The following PPP1R9A variants were observed in gnomAD, a reference collection of about 807,000 sequenced individuals.
The protein encoded by PPP1R9A is protein phosphatase 1 regulatory subunit 9A.
Under a neutral mutation model 141.9 loss-of-function variants are expected in PPP1R9A, and 59 were observed. The observed-to-expected ratio is 0.42, with a 90% confidence interval of 0.34 to 0.52. The LOEUF (loss-of-function observed/expected upper bound fraction) is 0.52. Ranked by LOEUF, PPP1R9A falls within the 20% of genes least tolerant of loss-of-function variation. The probability of loss-of-function intolerance (pLI) is 0.10; values close to 1 mark genes in which losing one functional copy is unlikely to be tolerated. For missense variants in PPP1R9A, 1,444 were observed against 1,611.9 expected (o/e 0.90, Z 1.78); for synonymous variants, 500 against 569.7 (o/e 0.88, Z 1.74).
intron 2 of PPP1R9A, among the ~76,000 whole-genome samples, chr7:94,997,539 G>A (rs917924373): frequency 2.0e-5 from 3 of 152,122 alleles, no homozygotes; most frequent in Non-Finnish European, 4.4e-5. Flanking sequence ...GTAACACTCT[G>A]CTCAGTGTTT....
chr7:95,066,418 C>T (rs1045636553), intron 2 of PPP1R9A, among the ~76,000 whole-genome samples: 6 of 151,778 alleles, frequency 4.0e-5, no homozygotes, highest in South Asian at 2.1e-4. Context: ...GAATTAAGTA[C>T]GTAGAGCCAA....
chr7:95,018,989 T>C (rs1805498595), intron 2 of PPP1R9A, among the ~76,000 whole-genome samples: 3 of 152,332 alleles, frequency 2.0e-5, no homozygotes, highest in African/African-American at 4.8e-5. Context: ...AATGGCACCA[T>C]ATTAACTGGA....
At chr7:95,191,221 G>A (rs1835449102) in intron 5 of PPP1R9A, among the ~76,000 whole-genome samples, 1 of 152,110 alleles carries the variant, frequency 6.6e-6, no homozygotes, top group African/African-American at 2.4e-5. Flanking sequence ...TTCTTGGCCT[G>A]ATAATAAATG....
chr7:95,099,041 C>T (rs1818413340), intron 2 of PPP1R9A, among the ~76,000 whole-genome samples: 1 of 152,202 alleles, frequency 6.6e-6, no homozygotes, highest in African/African-American at 2.4e-5. Flanking sequence ...TATTGGTCCT[C>T]TCCATCTGTT....
At chr7:95,163,338 C>T (rs1830707956) in intron 5 of PPP1R9A, among the ~76,000 whole-genome samples, 1 of 152,164 alleles carries the variant, frequency 6.6e-6, no homozygotes, top group South Asian at 2.1e-4. Flanking sequence ...CACATTCTCA[C>T]TTCCTCAGTC....
At chr7:95,073,624 G>GTTTGT (rs1814334667) in intron 2 of PPP1R9A, among the ~76,000 whole-genome samples, 1 of 105,558 alleles carries the variant, frequency 9.5e-6, no homozygotes, top group Non-Finnish European at 1.9e-5. Flanking sequence ...AAAGAAATAA[G>GTTTGT]TTTTTTTTTT....
At chr7:95,234,034 G>T (rs1328538073) in intron 8 of PPP1R9A, among the ~76,000 whole-genome samples, 2 of 152,050 alleles carry the variant, frequency 1.3e-5, no homozygotes, top group East Asian at 3.9e-4. Context: ...CATACCTTAA[G>T]GTAATAAAAG....
At chr7:95,081,924 A>C (rs1045141109) in intron 2 of PPP1R9A, among the ~76,000 whole-genome samples, 1 of 152,140 alleles carries the variant, frequency 6.6e-6, no homozygotes, top group Non-Finnish European at 1.5e-5. Context: ...GATAGCCTTG[A>C]AACCAACAGC....
intron 2 of PPP1R9A, among the ~76,000 whole-genome samples, chr7:95,046,733 A>C (rs1224078133): frequency 6.6e-6 from 1 of 152,138 alleles, no homozygotes; most frequent in Admixed American, 6.5e-5. Context: ...CTTCTTTTTC[A>C]TACCAGCTTT....
At chr7:95,084,756 A>C (rs1388004605) in intron 2 of PPP1R9A, among the ~76,000 whole-genome samples, 1 of 152,018 alleles carries the variant, frequency 6.6e-6, no homozygotes, top group African/African-American at 2.4e-5. Flanking sequence ...ACTTAGTTGT[A>C]ATCTATATAG....
intron 6 of PPP1R9A, among the ~76,000 whole-genome samples, chr7:95,203,059 A>G (rs2152876825): frequency 6.6e-6 from 1 of 152,202 alleles, no homozygotes; most frequent in South Asian, 2.1e-4. Context: ...CCAGAAACTG[A>G]AGCCCCTTCT....
At chr7:95,213,966 A>G (rs560829227) in intron 7 of PPP1R9A, among the ~76,000 whole-genome samples, 178 of 152,286 alleles carry the variant, frequency 1.2e-3, no homozygotes, top group Non-Finnish European at 2.0e-3. Context: ...ACTACATAAT[A>G]AGCACGCTCC....
chr7:95,166,055 A>C (rs1253972711), intron 5 of PPP1R9A, among the ~76,000 whole-genome samples: 2 of 151,482 alleles, frequency 1.3e-5, no homozygotes, highest in African/African-American at 4.8e-5. Context: ...AGGCTGAGGC[A>C]GGAGAATCAC....
At chr7:94,988,943 T>A (rs1333340765) in intron 2 of PPP1R9A, among the ~76,000 whole-genome samples, 2 of 152,078 alleles carry the variant, frequency 1.3e-5, no homozygotes, top group African/African-American at 4.8e-5. Flanking sequence ...AACTACTGAT[T>A]AAATTTGGTG....
intron 1 of PPP1R9A, among the ~76,000 whole-genome samples, chr7:94,909,053 C>A (rs1344651384): frequency 1.3e-5 from 2 of 152,210 alleles, no homozygotes; most frequent in Non-Finnish European, 2.9e-5. Flanking sequence ...GATATAAAAT[C>A]CTGCTGTGGG....
chr7:95,207,310 A>G (rs1391017306), intron 7 of PPP1R9A, among the ~76,000 whole-genome samples: 1 of 152,160 alleles, frequency 6.6e-6, no homozygotes, highest in Non-Finnish European at 1.5e-5. Flanking sequence ...AATATCTCCA[A>G]TTGCATATAA....
chr7:95,068,046 C>A (rs1443417671), intron 2 of PPP1R9A, among the ~76,000 whole-genome samples: 1 of 152,084 alleles, frequency 6.6e-6, no homozygotes, highest in Non-Finnish European at 1.5e-5. Flanking sequence ...ATCCTTGTTG[C>A]TAAAGGAACA....
chr7:95,279,303 T>G (rs959721615), intron 16 of PPP1R9A, among the ~76,000 whole-genome samples: 2 of 152,134 alleles, frequency 1.3e-5, no homozygotes, highest in African/African-American at 4.8e-5. Context: ...GCAAAACCCC[T>G]GCTTAAGAAT....
intron 2 of PPP1R9A, among the ~76,000 whole-genome samples, chr7:94,961,625 A>G (rs1797653496): frequency 6.6e-6 from 1 of 151,888 alleles, no homozygotes; most frequent in Non-Finnish European, 1.5e-5. Flanking sequence ...GCCCTTTTGC[A>G]AAAACTGTTT....
Sources: gnomAD v4.1 joint callset for allele counts (sites outside exome capture counted in the v4.1 genomes callset) on GRCh38, gnomAD v4.1.1 for gene constraint, MANE v1.5 for transcripts, NCBI Gene and HGNC (gene_info 2026-07-23, HGNC 2026-07-21) for gene names.